Variants in VEGFD observed in about 807,000 individuals in gnomAD.
VEGFD encodes vascular endothelial growth factor D.
VEGFD carries 26 observed loss-of-function variants against 28.0 expected under a neutral mutation model. The ratio of observed to expected loss-of-function variants is 0.93; its 90% CI spans 0.68 to 1.29. The LOEUF is 1.29. VEGFD is among the 50% of genes most tolerant of loss of function. The pLI, the probability that VEGFD is intolerant of heterozygous loss-of-function variation, is 0.00. For synonymous variants in VEGFD, 93 were observed against 95.5 expected, an observed-to-expected ratio of 0.97 and a Z score of 0.15; for missense variants, 294 against 273.4, an observed-to-expected ratio of 1.08 and a Z score of -0.53.
At chrX:15,375,517 G>C (rs1923416341) in intron 1 of VEGFD, among the ~76,000 whole-genome samples, 1 of 111,828 alleles carries the variant, frequency 8.9e-6, no homozygotes, top group African/African-American at 3.3e-5. Context: ...CTGAAATCCA[G>C]AAACCTGGCC....
In VEGFD at chrX:15,374,168, G is replaced by A. The variant is rs1923379110; in HGVS notation, c.90+9689C>T. Among the ~76,000 whole-genome samples the A allele has an allele frequency of 2.7e-5, 3 of 112,338 alleles. No individual in the cohort carries two copies. The Admixed American group carries it at 2.8e-4, about 11-fold the overall frequency. ...GTATAACACTCTGGAAAATGTGTTT[G>A]CAGTTTCTTATAAACATATGCTCAC... On this transcript the variant is annotated intron_variant, in intron 1 of 6. Transcript: ENST00000297904.
At chrX:15,379,909 C>A (rs754745550) in intron 1 of VEGFD, among the ~76,000 whole-genome samples, 3 of 111,842 alleles carry the variant, frequency 2.7e-5, no homozygotes, top group Non-Finnish European at 5.6e-5. Flanking sequence ...AGAAATAAGT[C>A]ATACAAGGAA....
chrX:15,347,750 C>G (rs1366029511), intron 5 of VEGFD, among the ~76,000 whole-genome samples: 1 of 111,808 alleles, frequency 8.9e-6, no homozygotes, highest in Non-Finnish European at 1.9e-5. Flanking sequence ...AGGAGAGACA[C>G]ACAAAATAAT....
At chrX:15,360,302 T>A (rs943828196) in intron 2 of VEGFD, among the ~76,000 whole-genome samples, 9 of 110,884 alleles carry the variant, frequency 8.1e-5, no homozygotes, top group South Asian at 3.8e-4. Context: ...TGTTTTTTTT[T>A]ATTTTTTTCC....
At chrX:15,354,872 C>T (rs2147738266) in intron 4 of VEGFD, among the ~76,000 whole-genome samples, 1 of 111,444 alleles carries the variant, frequency 9.0e-6, no homozygotes, top group Admixed American at 9.5e-5. Flanking sequence ...CGGTTTTACA[C>T]CTGCAGTAGA....
intron 3 of VEGFD, among the ~76,000 whole-genome samples, chrX:15,356,264 A>G (rs748800312): frequency 1.1e-4 from 12 of 111,867 alleles, no homozygotes; most frequent in Non-Finnish European, 2.3e-4. Flanking sequence ...GTTGATTTTA[A>G]TGCATTGTCT....
chrX:15,371,725 A>C (rs1923313311), intron 1 of VEGFD, among the ~76,000 whole-genome samples: 1 of 112,235 alleles, frequency 8.9e-6, no homozygotes, highest in African/African-American at 3.2e-5. Flanking sequence ...TTCATTACCC[A>C]AAACTGACTT....
rs755654399 is a variant in VEGFD, at chrX:15,383,860, C to T, written c.87G>A (p.Val29=). ...ATTAAAAATTGAGCTCACCTACCTT[C>T]ACTGGTCCATGTTCATTACTGGAGC... ...VQGSSNEHGP[V]KRSSQSTLER... The change falls in exon 1 of 7, where the codon GTG becomes GTA. Residue 29 remains valine (V), a synonymous_variant. Coordinates refer to ENST00000297904, the MANE Select transcript of VEGFD (RefSeq NM_004469.5). 7 of 1,203,022 alleles carry T rather than the reference C, an allele frequency of 5.8e-6. No homozygotes were observed. Among genetic ancestry groups the T allele is most frequent in the Non-Finnish European group, 7.9e-6 (7 of 888,649 alleles).
At chrX:15,359,425 G>A (rs1053970787) in intron 2 of VEGFD, among the ~76,000 whole-genome samples, 1 of 92,237 alleles carries the variant, frequency 1.1e-5, no homozygotes, top group African/African-American at 4.2e-5. Context: ...TGTGCAGAAC[G>A]TGCAGGTTTG....
intron 1 of VEGFD, among the ~76,000 whole-genome samples, chrX:15,383,339 G>A (rs899347198): frequency 8.9e-5 from 10 of 111,913 alleles, no homozygotes; most frequent in Non-Finnish European, 1.5e-4. Context: ...TTCAAGAAGC[G>A]AAAAAACCAA....
chrX:15,354,246 C>G (rs1457887517), intron 4 of VEGFD, among the ~76,000 whole-genome samples: 2 of 111,172 alleles, frequency 1.8e-5, no homozygotes, highest in Non-Finnish European at 3.8e-5. Context: ...GCTGGGATTA[C>G]AGGTGTGAGC....
At chrX:15,351,273 GC>G (rs1224903597) in intron 5 of VEGFD, among the ~76,000 whole-genome samples, 1 of 103,543 alleles carries the variant, frequency 9.7e-6, no homozygotes, top group Non-Finnish European at 2.0e-5. Flanking sequence ...CCGCCACTAC[GC>G]CCGGCTAATT....
intron 1 of VEGFD, among the ~76,000 whole-genome samples, chrX:15,372,439 CAA>C (rs57193883): frequency 2.9e-5 from 3 of 103,796 alleles, no homozygotes; most frequent in African/African-American, 1.0e-4. Context: ...AAAGCTCTCA[CAA>C]AAAAAAAAAT....
rs924411910 is a variant in VEGFD at position 15,372,593 on chromosome X, T to TA, written c.91-9275dup. 5.5e-5 allele frequency among the ~76,000 whole-genome samples: 6 copies of TA among 109,962 alleles called. No homozygotes were observed. In the South Asian group the frequency reaches 1.2e-3, roughly 21 times the overall value. ...CTGCAGCTTTGCCATCAGGATTTTT[T>TA]AAAAAAAAACTTCCCAGGTGTTAGC... On this transcript the variant is annotated intron_variant, in intron 1 of 6. Transcript: ENST00000297904.
chrX:15,351,193 G>A (rs1602221502), intron 5 of VEGFD, among the ~76,000 whole-genome samples: 1 of 94,022 alleles, frequency 1.1e-5, no homozygotes, highest in African/African-American at 3.9e-5. Context: ...TCGGCTCACT[G>A]CAAGCTCCGC....
intron 5 of VEGFD, among the ~76,000 whole-genome samples, chrX:15,352,380 T>G (rs1319856410): frequency 9.1e-6 from 1 of 110,074 alleles, no homozygotes; most frequent in Non-Finnish European, 1.9e-5. Context: ...AATGCATTCA[T>G]TTTCAAGCAA....
At chrX:15,350,251 CT>C (rs1922655119) in intron 5 of VEGFD, among the ~76,000 whole-genome samples, 1 of 111,551 alleles carries the variant, frequency 9.0e-6, no homozygotes, top group African/African-American at 3.3e-5. Context: ...CCCCACCATG[CT>C]GAACTTCTTC....
At chrX:15,377,131 G>T (rs1923457872) in intron 1 of VEGFD, among the ~76,000 whole-genome samples, 1 of 112,456 alleles carries the variant, frequency 8.9e-6, no homozygotes, top group Non-Finnish European at 1.9e-5. Flanking sequence ...CTCCCTGACT[G>T]TTAGTAAGAC....
chrX:15,373,175 G>A (rs1923353154), intron 1 of VEGFD, among the ~76,000 whole-genome samples: 1 of 112,247 alleles, frequency 8.9e-6, no homozygotes, highest in African/African-American at 3.2e-5. Context: ...GAAGATATGA[G>A]AATATAAATA....
Sources: allele counts gnomAD v4.1 joint callset (sites outside exome capture counted in the v4.1 genomes callset), GRCh38; gene constraint gnomAD v4.1.1; transcripts MANE v1.5; gene names NCBI Gene and HGNC (gene_info 2026-07-23, HGNC 2026-07-21).